SHISA9: variants seen among roughly 807,000 people sequenced by gnomAD.
SHISA9 encodes the protein protein shisa-9.
Under a neutral mutation model 38.0 loss-of-function variants are expected in SHISA9, and 13 were observed. That is an observed-to-expected ratio of 0.34 (90% CI 0.22 to 0.54). SHISA9 has a LOEUF of 0.54. Ranked by LOEUF, SHISA9 falls within the 20% of genes least tolerant of loss-of-function variation. The pLI, the probability that SHISA9 is intolerant of heterozygous loss-of-function variation, is 0.91. For synonymous variants in SHISA9, 275 were observed against 242.0 expected, an observed-to-expected ratio of 1.14 and a Z score of -1.27; for missense variants, 538 against 575.8, an observed-to-expected ratio of 0.93 and a Z score of 0.67.
chr16:13,063,001 C>T (rs936515270), intron 2 of SHISA9, among the ~76,000 whole-genome samples: 2 of 151,886 alleles, frequency 1.3e-5, no homozygotes, highest in African/African-American at 4.8e-5. Context: ...ATCTCAGTTT[C>T]TTTTCTTTTT....
intron 2 of SHISA9, among the ~76,000 whole-genome samples, chr16:12,987,390 T>C (rs2072325600): frequency 6.6e-6 from 1 of 152,148 alleles, no homozygotes; most frequent in Non-Finnish European, 1.5e-5. Context: ...GTGATACATA[T>C]ACACCATGGA....
chr16:12,935,065 G>A (rs1178756500), intron 2 of SHISA9, among the ~76,000 whole-genome samples: 2 of 152,138 alleles, frequency 1.3e-5, no homozygotes, highest in East Asian at 1.9e-4. Flanking sequence ...TAAACTTGAC[G>A]GTCTGATTGG....
chr16:13,051,590 T>C (rs2073251680), intron 2 of SHISA9, among the ~76,000 whole-genome samples: 1 of 152,182 alleles, frequency 6.6e-6, no homozygotes, highest in South Asian at 2.1e-4. Flanking sequence ...GGAAATTTAG[T>C]GGCATTGAAC....
chr16:13,384,197 A>C, the SHISA9 span, among the ~76,000 whole-genome samples: 1 of 152,176 alleles, frequency 6.6e-6, no homozygotes, highest in African/African-American at 2.4e-5. Context: ...GTTTCGAAAA[A>C]TTCAGGATAG....
intron 2 of SHISA9, among the ~76,000 whole-genome samples, chr16:13,043,292 T>C (rs961099220): frequency 1.3e-5 from 2 of 152,136 alleles, no homozygotes; most frequent in African/African-American, 4.8e-5. Context: ...CATATTCTGC[T>C]GGGCAGAACT....
intron 2 of SHISA9, among the ~76,000 whole-genome samples, chr16:12,918,973 G>A (rs1217732170): frequency 6.6e-6 from 1 of 152,146 alleles, no homozygotes; most frequent in Non-Finnish European, 1.5e-5. Context: ...CATTAATTCA[G>A]CAGCCGACAG....
Position 12,967,499 on chromosome 16 carries a change from T to C in SHISA9, c.691+50684T>C, listed in dbSNP as rs542950514. On this transcript the variant is annotated intron_variant, in intron 2 of 4. Coordinates refer to ENST00000558583, the MANE Select transcript of SHISA9 (RefSeq NM_001145204.3). ...GGGTGCAGCACACCAATATGGCACATGTATACATATGTAACAAACCTGCAC... is the reference window on the plus strand; with the variant it reads ...GGGTGCAGCACACCAATATGGCACACGTATACATATGTAACAAACCTGCAC... 7.2e-5 allele frequency among the ~76,000 whole-genome samples: 11 copies of C among 152,170 alleles called. No individual in the cohort carries two copies. In the South Asian group the frequency reaches 1.9e-3, roughly 26 times the overall value.
the SHISA9 span, among the ~76,000 whole-genome samples, chr16:13,345,667 G>A: frequency 2.0e-5 from 3 of 151,990 alleles, no homozygotes; most frequent in Non-Finnish European, 4.4e-5. Flanking sequence ...GGTCTTTGAC[G>A]AATCACTACA....
At chr16:12,969,552 C>T (rs575113386) in intron 2 of SHISA9, among the ~76,000 whole-genome samples, 1 of 152,074 alleles carries the variant, frequency 6.6e-6, no homozygotes, top group African/African-American at 2.4e-5. Flanking sequence ...GAGACCAGCC[C>T]TGGGTAACAT....
At chr16:13,562,869 A>C in the SHISA9 span, 2 of 152,108 alleles carry the variant, frequency 1.3e-5, no homozygotes, top group Non-Finnish European at 2.9e-5. Context: ...GAAATGCACA[A>C]GAACTGAAAG....
At chr16:13,406,053 C>A in the SHISA9 span, among the ~76,000 whole-genome samples, 1 of 151,650 alleles carries the variant, frequency 6.6e-6, no homozygotes, top group African/African-American at 2.4e-5. Flanking sequence ...ACAGAATAAA[C>A]GACAACCTAC....
chr16:13,164,566 T>C (rs1251212474), intron 2 of SHISA9, among the ~76,000 whole-genome samples: 1 of 152,076 alleles, frequency 6.6e-6, no homozygotes, highest in Non-Finnish European at 1.5e-5. Context: ...ATTTCTTCCT[T>C]AAATGTTTTT....
At chr16:13,187,757 C>A (rs921902232) in intron 2 of SHISA9, among the ~76,000 whole-genome samples, 2 of 152,080 alleles carry the variant, frequency 1.3e-5, no homozygotes, top group African/African-American at 4.8e-5. Context: ...AATTTCAAAG[C>A]AAAATGGGGA....
chr16:13,002,809 A>G (rs1364764945), intron 2 of SHISA9, among the ~76,000 whole-genome samples: 1 of 152,168 alleles, frequency 6.6e-6, no homozygotes, highest in Non-Finnish European at 1.5e-5. Context: ...TTAGGATTAC[A>G]GGCATGAGCC....
At chr16:13,214,488 G>A (rs1385135665) in intron 4 of SHISA9, among the ~76,000 whole-genome samples, 2 of 152,118 alleles carry the variant, frequency 1.3e-5, no homozygotes, top group Non-Finnish European at 2.9e-5. Flanking sequence ...TTACAAGCAT[G>A]AGCCACCATG....
chr16:13,463,648 G>C, the SHISA9 span, among the ~76,000 whole-genome samples: 6 of 152,354 alleles, frequency 3.9e-5, no homozygotes, highest in South Asian at 8.3e-4. Flanking sequence ...TTGCCTTAAA[G>C]AAAGAGCTTC....
At chr16:13,052,193 G>A (rs926276236) in intron 2 of SHISA9, among the ~76,000 whole-genome samples, 5 of 152,088 alleles carry the variant, frequency 3.3e-5, no homozygotes, top group African/African-American at 1.2e-4. Flanking sequence ...AGAAAAAAAA[G>A]AAGCAAGCAA....
intron 1 of SHISA9, among the ~76,000 whole-genome samples, chr16:12,904,324 C>G (rs1292233062): frequency 6.6e-6 from 1 of 152,150 alleles, no homozygotes; most frequent in African/African-American, 2.4e-5. Context: ...CAAGCCCTGC[C>G]CTCGCGAACC....
the SHISA9 span, among the ~76,000 whole-genome samples, chr16:13,509,913 C>T: frequency 6.6e-6 from 1 of 152,160 alleles, no homozygotes; most frequent in Non-Finnish European, 1.5e-5. Flanking sequence ...TTTTCCTCAT[C>T]TGTGAAGTGG....
Sources: allele counts gnomAD v4.1 joint callset (sites outside exome capture counted in the v4.1 genomes callset), GRCh38; gene constraint gnomAD v4.1.1; transcripts MANE v1.5; gene names NCBI Gene and HGNC (gene_info 2026-07-23, HGNC 2026-07-21).